The following CDH13 variants were observed in gnomAD, a reference collection of about 807,000 sequenced individuals.
The protein encoded by CDH13 is cadherin 13.
Under a neutral mutation model 63.8 loss-of-function variants are expected in CDH13, and 24 were observed. That is an observed-to-expected ratio of 0.38 (90% CI 0.27 to 0.53). The LOEUF is 0.53. CDH13 is among the 20% of genes least tolerant of loss of function. The pLI, the probability that CDH13 is intolerant of heterozygous loss-of-function variation, is 0.85. For missense variants in CDH13, 1,049 were observed against 903.1 expected, an observed-to-expected ratio of 1.16 and a Z score of -2.07; for synonymous variants, 503 against 355.3, an observed-to-expected ratio of 1.42 and a Z score of -4.67.
chr16:83,081,263 T>A (rs1280693214), intron 3 of CDH13, among the ~76,000 whole-genome samples: 1 of 152,126 alleles, frequency 6.6e-6, no homozygotes, highest in Non-Finnish European at 1.5e-5. Context: ...CTGCTGTGTA[T>A]CAACCTCAGT....
chr16:83,374,063 G>A (rs1329269940), intron 6 of CDH13, among the ~76,000 whole-genome samples: 2 of 152,208 alleles, frequency 1.3e-5, no homozygotes, highest in Non-Finnish European at 2.9e-5. Context: ...ACTAAGGCGT[G>A]CTAAAGGGTC....
intron 6 of CDH13, among the ~76,000 whole-genome samples, chr16:83,406,733 T>C (rs2092054074): frequency 1.3e-5 from 2 of 152,168 alleles, no homozygotes; most frequent in African/African-American, 2.4e-5. Context: ...CCCAAAGTGC[T>C]GGGATTACAG....
At chr16:82,785,544 T>A (rs1246011134) in intron 1 of CDH13, among the ~76,000 whole-genome samples, 1 of 152,200 alleles carries the variant, frequency 6.6e-6, no homozygotes, top group Non-Finnish European at 1.5e-5. Flanking sequence ...TCACTCCAAG[T>A]AAATGACTAA....
intron 3 of CDH13, among the ~76,000 whole-genome samples, chr16:83,063,752 C>G (rs1567794846): frequency 6.6e-6 from 1 of 152,152 alleles, no homozygotes; most frequent in Non-Finnish European, 1.5e-5. Flanking sequence ...ATGAGTTTCA[C>G]AAGGCCAAAA....
intron 2 of CDH13, among the ~76,000 whole-genome samples, chr16:82,956,303 C>G (rs903932768): frequency 1.3e-5 from 2 of 152,148 alleles, no homozygotes; most frequent in African/African-American, 4.8e-5. Context: ...CATCCTAGAT[C>G]TAAACCACCA....
intron 3 of CDH13, among the ~76,000 whole-genome samples, chr16:83,080,358 G>T (rs1227666974): frequency 6.6e-6 from 1 of 152,156 alleles, no homozygotes; most frequent in Non-Finnish European, 1.5e-5. Context: ...AAATTTGGTT[G>T]CCCTCATGCT....
chr16:82,780,609 A>G (rs978098141), intron 1 of CDH13, among the ~76,000 whole-genome samples: 3 of 152,264 alleles, frequency 2.0e-5, no homozygotes, highest in African/African-American at 4.8e-5. Context: ...ATAGAGTAGC[A>G]TACCTAATAG....
intron 1 of CDH13, among the ~76,000 whole-genome samples, chr16:82,743,428 C>T (rs1362503306): frequency 6.6e-6 from 1 of 152,030 alleles, no homozygotes; most frequent in Non-Finnish European, 1.5e-5. Context: ...AGGGTCTCAC[C>T]GTATTGCCCA....
intron 5 of CDH13, among the ~76,000 whole-genome samples, chr16:83,295,078 G>A (rs936920438): frequency 3.3e-5 from 5 of 152,032 alleles, no homozygotes; most frequent in Admixed American, 1.3e-4. Flanking sequence ...ATAAACTCAT[G>A]CATCTATGGC....
At chr16:83,261,373 G>A (rs1906970848) in intron 5 of CDH13, among the ~76,000 whole-genome samples, 2 of 152,294 alleles carry the variant, frequency 1.3e-5, no homozygotes, top group South Asian at 4.1e-4. Context: ...GGGGAGAACT[G>A]GCAGTGTCTG....
chr16:83,057,771 C>G (rs979504110), intron 3 of CDH13, among the ~76,000 whole-genome samples: 2 of 152,104 alleles, frequency 1.3e-5, no homozygotes, highest in Admixed American at 6.5e-5. Context: ...GATCACCTCC[C>G]ACTCCAGAAA....
At chr16:82,680,392 C>T (rs1384090712) in intron 1 of CDH13, among the ~76,000 whole-genome samples, 1 of 152,172 alleles carries the variant, frequency 6.6e-6, no homozygotes, top group African/African-American at 2.4e-5. Context: ...GTTTGGCCCT[C>T]ATCACAGTGC....
chr16:83,715,573 C>T lies in CDH13; in HGVS notation c.1539-32535C>T, dbSNP rs146507908. Among the ~76,000 whole-genome samples the T allele has an allele frequency of 4.2e-3, 643 of 152,284 alleles. 6 individuals carry two copies. Among genetic ancestry groups the T allele is most frequent in the African/African-American group, 0.015 (606 of 41,548 alleles). ...CTGTGTCTTAAATGGTATTTTTATC[C>T]ATTAGAGTTGAGTGCAAGCAATAGA... On this transcript the variant is annotated intron_variant, in intron 10 of 13. Transcript: ENST00000567109.
At chr16:82,818,555 G>C (rs2037838782) in intron 1 of CDH13, among the ~76,000 whole-genome samples, 1 of 152,160 alleles carries the variant, frequency 6.6e-6, no homozygotes, top group South Asian at 2.1e-4. Context: ...ATGGGTAGGA[G>C]TTTTTTAGAA....
chr16:83,776,672 T>C (rs958253233), intron 11 of CDH13, among the ~76,000 whole-genome samples: 12 of 152,220 alleles, frequency 7.9e-5, no homozygotes, highest in Admixed American at 6.5e-5. Flanking sequence ...CTTCCAAAAG[T>C]GTCACCAGTA....
intron 6 of CDH13, among the ~76,000 whole-genome samples, chr16:83,408,594 T>C (rs2092082006): frequency 6.6e-6 from 1 of 152,236 alleles, no homozygotes; most frequent in African/African-American, 2.4e-5. Flanking sequence ...ATAGGAAAGC[T>C]CGATTATAAT....
chr16:82,988,708 G>A (rs557727652), intron 2 of CDH13, among the ~76,000 whole-genome samples: 113 of 150,478 alleles, frequency 7.5e-4, no homozygotes, highest in African/African-American at 2.4e-3. Context: ...GTTGCAGTGA[G>A]CCAAGATCGC....
At chr16:82,715,858 C>G (rs1364924836) in intron 1 of CDH13, among the ~76,000 whole-genome samples, 1 of 152,182 alleles carries the variant, frequency 6.6e-6, no homozygotes. Context: ...CAAAACATAC[C>G]TGACTAGAAA....
intron 13 of CDH13, among the ~76,000 whole-genome samples, chr16:83,791,258 A>G (rs1037128944): frequency 6.6e-6 from 1 of 152,200 alleles, no homozygotes; most frequent in African/African-American, 2.4e-5. Context: ...ACACTTTCGG[A>G]AGCCTAGGTG....
Sources: allele counts gnomAD v4.1 joint callset (sites outside exome capture counted in the v4.1 genomes callset), GRCh38; gene constraint gnomAD v4.1.1; transcripts MANE v1.5; gene names NCBI Gene and HGNC (gene_info 2026-07-23, HGNC 2026-07-21).